Variants in RABGAP1 observed in about 807,000 individuals in gnomAD.
The protein encoded by RABGAP1 is rab GTPase-activating protein 1.
RABGAP1 carries 23 observed loss-of-function variants against 137.6 expected under a neutral mutation model. The observed-to-expected ratio is 0.17, with a 90% CI of 0.12 to 0.24. The LOEUF (loss-of-function observed/expected upper bound fraction) is 0.24, where lower values mean the gene tolerates loss of function less well. RABGAP1 is among the 10% of genes least tolerant of loss of function. RABGAP1 has a pLI of 1.00. For synonymous variants in RABGAP1, 451 were observed against 450.7 expected, an observed-to-expected ratio of 1.00 and a Z score of -0.01; for missense variants, 906 against 1,275.8, an observed-to-expected ratio of 0.71 and a Z score of 4.42.
At chr9:123,067,057 C>T (rs983692702) in intron 14 of RABGAP1, among the ~76,000 whole-genome samples, 5 of 152,026 alleles carry the variant, frequency 3.3e-5, no homozygotes, top group Non-Finnish European at 7.4e-5. Context: ...CCATCTTTAC[C>T]AATTAATTAG....
At chr9:123,055,431 C>T (rs1399570986) in intron 13 of RABGAP1, among the ~76,000 whole-genome samples, 7 of 151,858 alleles carry the variant, frequency 4.6e-5, no homozygotes, top group Non-Finnish European at 1.0e-4. Context: ...GGCATTTCAC[C>T]GTGTTGCCCA....
intron 2 of RABGAP1, among the ~76,000 whole-genome samples, chr9:122,962,974 A>G (rs1048262427): frequency 7.2e-5 from 11 of 152,232 alleles, no homozygotes; most frequent in Admixed American, 3.3e-4. Flanking sequence ...AAACTTTACT[A>G]GAGGTAATAT....
chr9:122,969,717 T>A (rs1835372934), intron 2 of RABGAP1, among the ~76,000 whole-genome samples: 1 of 138,722 alleles, frequency 7.2e-6, no homozygotes, highest in Non-Finnish European at 1.6e-5. Context: ...TTCAATGTGG[T>A]ATAATATGGA....
At position 123,047,919 on chromosome 9, in the gene RABGAP1, G is replaced by GTTTTTTTTTTTTTTTTTTTT. The variant is rs59639446; in HGVS notation, c.1795-17412_1795-17393dup. 1.1e-4 allele frequency among the ~76,000 whole-genome samples: 7 copies of GTTTTTTTTTTTTTTTTTTTT among 62,282 alleles called. 1 individual carries two copies. Among genetic ancestry groups the GTTTTTTTTTTTTTTTTTTTT allele is most frequent in the Non-Finnish European group, 2.5e-4 (7 of 28,026 alleles). 40.9% of individuals were successfully genotyped at this position (62,282 alleles called of 152,430 possible). On this transcript the variant is annotated intron_variant, in intron 13 of 25. Transcript: ENST00000373647. ...TATCTAGCCATTTTACAGCTGCTGG[G>GTTTTTTTTTTTTTTTTTTTT]TTTTTTTTTTTTTTTTTTTTTTTTT... is the stretch of plus-strand genomic sequence containing the variant.
chr9:123,035,638 CCGTGTGTGTGTGTG>C, intron 13 of RABGAP1: 3 of 1,159,200 alleles, frequency 2.6e-6, no homozygotes, highest in African/African-American at 1.7e-5. Context: ...TACGGGGTTC[CCGTGTGTGTGTGTG>C]TGTGTGTGTG....
intron 13 of RABGAP1, among the ~76,000 whole-genome samples, chr9:123,041,309 T>G (rs991471917): frequency 2.6e-5 from 4 of 152,212 alleles, no homozygotes; most frequent in African/African-American, 9.7e-5. Context: ...GCCTATGTTC[T>G]TGCCTTAATT....
intron 1 of RABGAP1, among the ~76,000 whole-genome samples, chr9:122,956,620 A>C (rs943589366): frequency 2.1e-5 from 3 of 144,384 alleles, no homozygotes; most frequent in Non-Finnish European, 4.5e-5. Flanking sequence ...ACTGCACTCC[A>C]GCCTGGGCGA....
intron 19 of RABGAP1, among the ~76,000 whole-genome samples, chr9:123,086,651 T>C (rs945692515): frequency 2.1e-5 from 3 of 140,486 alleles, no homozygotes; most frequent in African/African-American, 8.0e-5. Context: ...TGAGAAGCTA[T>C]GGTGTTTTTA....
rs1436272964 is a variant in RABGAP1, at chr9:122,998,749, T to C, written c.1357T>C (p.Phe453Leu). 1 of 1,596,718 alleles carries C rather than the reference T, an allele frequency of 6.3e-7. No individual in the cohort carries two copies. Among genetic ancestry groups the C allele is most frequent in the Admixed American group, 1.7e-5 (1 of 57,362 alleles). ...FSKRSTTENF[F>L]LKLKQIKQRE... ...CAAACGTAGTACTACTGAAAATTTCTTTTTGAAACTAAAACAGGTACTGTA... is the reference window on the plus strand; with the variant it reads ...CAAACGTAGTACTACTGAAAATTTCCTTTTGAAACTAAAACAGGTACTGTA... The change falls in exon 10 of 26, where the codon TTT (phenylalanine) becomes CTT (leucine). Residue 453 changes from phenylalanine (F) to leucine (L), a missense_variant. Physicochemically the swap from Phe to Leu is conservative, Grantham distance 22 (BLOSUM62 0). Around this residue, in one of 9 missense-constraint regions of RABGAP1, gnomAD observed 212 missense variants for 289.4 expected, o/e 0.73. Transcript: ENST00000373647.
At chr9:122,993,166 A>G (rs1000003238) in intron 6 of RABGAP1, among the ~76,000 whole-genome samples, 6 of 152,214 alleles carry the variant, frequency 3.9e-5, no homozygotes, top group Admixed American at 3.9e-4. Context: ...ATATTTGTGT[A>G]TAACACAAGA....
chr9:122,986,335 G>C lies in RABGAP1; in HGVS notation c.506G>C (p.Arg169Thr). 1.2e-6 allele frequency: 2 copies of C among 1,614,086 alleles called. No homozygotes were observed. Among genetic ancestry groups the C allele is most frequent in the Non-Finnish European group, 1.7e-6 (2 of 1,180,012 alleles). Reference sequence around the variant, plus strand: ...CCCAGGAGTGAAGTGGAAGCCTTAAGGATGATGTCCATCTTAAGAAGCCAG... The same window carrying C: ...CCCAGGAGTGAAGTGGAAGCCTTAACGATGATGTCCATCTTAAGAAGCCAG... The part of the protein sequence containing the change: ...NAPRSEVEAL[R>T]MMSILRSQCQ... Residue 169 changes from arginine to threonine, a missense_variant, in exon 4 of 26, where the codon AGG (arginine) becomes ACG (threonine). Transcript: ENST00000373647.
intron 13 of RABGAP1, among the ~76,000 whole-genome samples, chr9:123,039,873 A>C (rs543610474): frequency 6.6e-6 from 1 of 151,034 alleles, no homozygotes; most frequent in Non-Finnish European, 1.5e-5. Context: ...AGCCTTTCCC[A>C]GTTTTCTAGC....
At chr9:123,018,170 A>G (rs1186186722) in intron 12 of RABGAP1, among the ~76,000 whole-genome samples, 13 of 152,054 alleles carry the variant, frequency 8.5e-5, no homozygotes, top group Non-Finnish European at 4.4e-5. Context: ...AATTTTTTGT[A>G]TTTTTAGTAG....
intron 1 of RABGAP1, among the ~76,000 whole-genome samples, chr9:122,950,436 G>C (rs535397949): frequency 1.6e-5 from 2 of 121,694 alleles, no homozygotes; most frequent in Non-Finnish European, 3.2e-5. Flanking sequence ...AACCAGGATA[G>C]AGAATCTAGA....
At chr9:122,942,681 A>AAAAAAC (rs1466943882) in intron 1 of RABGAP1, among the ~76,000 whole-genome samples, 1 of 151,146 alleles carries the variant, frequency 6.6e-6, no homozygotes, top group Non-Finnish European at 1.5e-5. Context: ...AAAAAAAAAA[A>AAAAAAC]AAAAAAACAC....
chr9:123,060,992 T>G (rs1162431297), intron 13 of RABGAP1, among the ~76,000 whole-genome samples: 1 of 152,216 alleles, frequency 6.6e-6, no homozygotes, highest in Non-Finnish European at 1.5e-5. Context: ...AACAAAAATC[T>G]TCTCTCTGGT....
chr9:122,966,260 C>G (rs1401532293), intron 2 of RABGAP1, among the ~76,000 whole-genome samples: 1 of 152,140 alleles, frequency 6.6e-6, no homozygotes, highest in East Asian at 1.9e-4. Flanking sequence ...TGCAGTGGCT[C>G]AGGCCTGTAA....
chr9:122,931,953 G>C, the RABGAP1 span, among the ~76,000 whole-genome samples: 2 of 152,164 alleles, frequency 1.3e-5, no homozygotes, highest in Non-Finnish European at 2.9e-5. Context: ...CCTCACTTTT[G>C]GATGTGTTTT....
intron 2 of RABGAP1, among the ~76,000 whole-genome samples, chr9:122,964,900 G>A (rs1245860209): frequency 6.6e-6 from 1 of 152,194 alleles, no homozygotes; most frequent in Non-Finnish European, 1.5e-5. Flanking sequence ...GGGGGCTGAG[G>A]TGGGAGGATC....
Sources: allele counts gnomAD v4.1 joint callset (sites outside exome capture counted in the v4.1 genomes callset), GRCh38; gene constraint gnomAD v4.1.1; regional missense constraint gnomAD v4.1.1; transcripts MANE v1.5; gene names NCBI Gene and HGNC (gene_info 2026-07-23, HGNC 2026-07-21).